The following CCSER1 variants were observed in gnomAD, a reference collection of about 807,000 sequenced individuals.
The protein encoded by CCSER1 is serine-rich coiled-coil domain-containing protein 1.
A neutral mutation model predicts 82.0 loss-of-function variants in CCSER1; 41 were observed. That is an observed-to-expected ratio of 0.50 (90% CI 0.39 to 0.65). CCSER1 has a LOEUF of 0.65. CCSER1 is among the 30% of genes least tolerant of loss of function. The probability of loss-of-function intolerance (pLI) is 0.00; values close to 1 mark genes in which losing one functional copy is unlikely to be tolerated. For synonymous variants in CCSER1, 414 were observed against 383.9 expected (o/e 1.08, Z -0.92); for missense variants, 1,119 against 1,064.2 (o/e 1.05, Z -0.72).
chr4:90,429,083 TG>T (rs1315381804), intron 4 of CCSER1, among the ~76,000 whole-genome samples: 8 of 151,922 alleles, frequency 5.3e-5, no homozygotes, highest in Non-Finnish European at 8.9e-5. Flanking sequence ...TTGTGTGTGT[TG>T]GGGGGTATTA....
rs191021537 is a variant in CCSER1 at position 90,423,984 on chromosome 4, G to A, written c.1603+23855G>A. On this transcript the variant is annotated intron_variant, in intron 4 of 10. Transcript: ENST00000509176. The stretch of plus-strand genomic sequence containing the variant: ...CGGGCGCCTGTAGTACCAGCTACTC[G>A]GGAGGCTGAGGCAGGAGAATGGCGT... Among the ~76,000 whole-genome samples, 99 of 150,964 alleles carry A rather than the reference G, an allele frequency of 6.6e-4. 1 individual carries two copies. The highest frequency in any genetic ancestry group is 1.3e-3 in the Non-Finnish European group (85 of 67,336).
intron 3 of CCSER1, chr4:90,370,290 T>A (rs914585679): frequency 6.6e-6 from 1 of 152,028 alleles, no homozygotes; most frequent in Non-Finnish European, 1.5e-5. Context: ...TAGAGGAGTA[T>A]GTTTTAAAAT....
intron 9 of CCSER1, among the ~76,000 whole-genome samples, chr4:91,020,821 T>G (rs1739889195): frequency 6.6e-6 from 1 of 152,226 alleles, no homozygotes; most frequent in African/African-American, 2.4e-5. Flanking sequence ...GTACTTCTGT[T>G]TTCTCTGTTT....
intron 10 of CCSER1, among the ~76,000 whole-genome samples, chr4:91,245,995 C>T (rs888155614): frequency 6.6e-6 from 1 of 152,076 alleles, no homozygotes; most frequent in Admixed American, 6.5e-5. Context: ...CATGCCTGGC[C>T]AGAAAATGAT....
chr4:90,558,956 G>A (rs1778420551), intron 5 of CCSER1, among the ~76,000 whole-genome samples: 1 of 152,110 alleles, frequency 6.6e-6, no homozygotes, highest in Non-Finnish European at 1.5e-5. Flanking sequence ...CATGGTGGGT[G>A]AAGCAAAAAC....
intron 10 of CCSER1, among the ~76,000 whole-genome samples, chr4:91,556,550 T>C (rs1762414569): frequency 6.6e-6 from 1 of 150,844 alleles, no homozygotes; most frequent in African/African-American, 2.4e-5. Context: ...AAAAAACCTT[T>C]GAATGAAAAA....
intron 6 of CCSER1, among the ~76,000 whole-genome samples, chr4:90,649,776 T>A (rs1364199178): frequency 6.6e-6 from 1 of 152,190 alleles, no homozygotes; most frequent in Non-Finnish European, 1.5e-5. Context: ...ATAATAACTA[T>A]AATACATTTC....
chr4:91,252,429 G>A (rs924325441), intron 10 of CCSER1, among the ~76,000 whole-genome samples: 3 of 152,036 alleles, frequency 2.0e-5, no homozygotes, highest in Non-Finnish European at 4.4e-5. Context: ...TAAGTACATG[G>A]ACAATCATAA....
chr4:90,708,204 C>T (rs766222551), intron 6 of CCSER1, among the ~76,000 whole-genome samples: 3 of 152,156 alleles, frequency 2.0e-5, no homozygotes, highest in Non-Finnish European at 4.4e-5. Flanking sequence ...ATAAAAATAG[C>T]GTCATGCCTG....
chr4:91,429,192 C>T (rs1198093043), intron 10 of CCSER1, among the ~76,000 whole-genome samples: 1 of 151,826 alleles, frequency 6.6e-6, no homozygotes, highest in Admixed American at 6.6e-5. Flanking sequence ...CTAATCCTAC[C>T]TTATTTCTCC....
At chr4:91,321,410 A>G (rs536297400) in intron 10 of CCSER1, among the ~76,000 whole-genome samples, 36 of 152,188 alleles carry the variant, frequency 2.4e-4, no homozygotes, top group Admixed American at 2.0e-3. Flanking sequence ...TTAGAGGCTC[A>G]ATGTCCAGAC....
At chr4:90,194,912 T>C (rs1260472235) in intron 1 of CCSER1, among the ~76,000 whole-genome samples, 1 of 152,094 alleles carries the variant, frequency 6.6e-6, no homozygotes, top group Non-Finnish European at 1.5e-5. Context: ...CTTTGAAGTG[T>C]ATTAAGTTCT....
intron 6 of CCSER1, among the ~76,000 whole-genome samples, chr4:90,684,561 A>G (rs948153227): frequency 5.9e-5 from 9 of 152,218 alleles, no homozygotes; most frequent in Admixed American, 1.3e-4. Context: ...ATACTGAGCC[A>G]GGAAGCATAT....
intron 9 of CCSER1, among the ~76,000 whole-genome samples, chr4:91,009,033 G>A (rs1015079001): frequency 3.3e-5 from 5 of 152,210 alleles, no homozygotes; most frequent in South Asian, 4.1e-4. Flanking sequence ...CTGATCGGGA[G>A]CGGCAATGGG....
rs570721803 is a variant in CCSER1 at position 91,224,530 on chromosome 4, C to A, written c.2217+138536C>A. 7.2e-5 allele frequency among the ~76,000 whole-genome samples: 11 copies of A among 151,998 alleles called. 1 individual carries two copies. Among genetic ancestry groups the A allele is most frequent in the African/African-American group, 2.7e-4 (11 of 41,404 alleles). ...TTACTGAGCACTTGAAATATGACTA[C>A]GTGACTAACTGAAATTTTAATTTTA... On this transcript the variant is annotated intron_variant, in intron 10 of 10. Coordinates refer to ENST00000509176, the MANE Select transcript of CCSER1 (RefSeq NM_001145065.2).
At chr4:90,210,590 T>C (rs1739795077) in intron 1 of CCSER1, among the ~76,000 whole-genome samples, 1 of 152,002 alleles carries the variant, frequency 6.6e-6, no homozygotes, top group East Asian at 1.9e-4. Context: ...ACTACAGGCA[T>C]GTGCCACCAT....
intron 5 of CCSER1, among the ~76,000 whole-genome samples, chr4:90,592,022 G>A (rs1304641382): frequency 6.6e-6 from 1 of 151,944 alleles, no homozygotes; most frequent in Admixed American, 6.6e-5. Flanking sequence ...CATTACACAC[G>A]GGGGTCTGTC....
chr4:91,534,080 A>C (rs537576565), intron 10 of CCSER1, among the ~76,000 whole-genome samples: 1 of 152,056 alleles, frequency 6.6e-6, no homozygotes, highest in Non-Finnish European at 1.5e-5. Flanking sequence ...GATTAAGACT[A>C]AATTTGTGAG....
At chr4:90,140,967 G>A (rs1578159531) in intron 1 of CCSER1, among the ~76,000 whole-genome samples, 2 of 151,622 alleles carry the variant, frequency 1.3e-5, no homozygotes, top group East Asian at 3.9e-4. Context: ...GCCCGGCCTT[G>A]GTCTACTTTT....
Sources: allele counts gnomAD v4.1 joint callset (sites outside exome capture counted in the v4.1 genomes callset), GRCh38; gene constraint gnomAD v4.1.1; transcripts MANE v1.5; gene names NCBI Gene and HGNC (gene_info 2026-07-23, HGNC 2026-07-21).